LRCH3: variants seen among roughly 807,000 people sequenced by gnomAD.
LRCH3 encodes DISP complex protein LRCH3.
Under a neutral mutation model 104.5 loss-of-function variants are expected in LRCH3, and 68 were observed. The observed-to-expected ratio is 0.65, with a 90% CI of 0.54 to 0.80. LRCH3 has a LOEUF of 0.80. Among genes scored for constraint, LRCH3 ranks in the 30% least tolerant of loss-of-function variants. LRCH3 has a pLI of 0.00. For missense variants in LRCH3, 951 were observed against 953.9 expected (o/e 1.00, Z 0.04); for synonymous variants, 344 against 361.3 (o/e 0.95, Z 0.54).
chr3:197,865,492 A>G (rs749597492), intron 16 of LRCH3, 21 bp downstream of exon 16: 6 of 1,417,360 alleles, frequency 4.2e-6, no homozygotes, highest in Non-Finnish European at 5.7e-6. Context: ...CAAAGGTGCA[A>G]TTAACCACAT....
intron 10 of LRCH3, among the ~76,000 whole-genome samples, chr3:197,843,211 AT>A (rs1210806611): frequency 9.9e-5 from 15 of 152,212 alleles, no homozygotes; most frequent in Non-Finnish European, 2.1e-4. Flanking sequence ...GCAATATAGA[AT>A]TAACATTTAG....
In LRCH3 at chr3:197,854,482, G is replaced by C; in HGVS notation, c.1644+37G>C. On this transcript the variant is annotated intron_variant, in intron 14 of 20. Transcript: ENST00000425562. The surrounding 1 kb of genome is among the most constrained non-coding windows in gnomAD (Gnocchi z 4.5). ...GCACAAAACGGAGTTTCGCATTTCT[G>C]TGTTTAGAGATTGTACTTTTTATTC... 1 of 1,585,018 alleles carries C rather than the reference G, an allele frequency of 6.3e-7. No homozygotes were observed. The highest frequency in any genetic ancestry group is 8.7e-7 in the Non-Finnish European group (1 of 1,153,466).
chr3:197,805,420 T>C (rs1318827109), intron 1 of LRCH3, among the ~76,000 whole-genome samples: 1 of 152,230 alleles, frequency 6.6e-6, no homozygotes, highest in Non-Finnish European at 1.5e-5. Context: ...TGGATTTGGG[T>C]GTAGGCTTGC....
chr3:197,814,531 C>CTA (rs1173610092), intron 1 of LRCH3, among the ~76,000 whole-genome samples: 3 of 152,196 alleles, frequency 2.0e-5, no homozygotes, highest in Admixed American at 6.5e-5. Context: ...GAATTTCAGT[C>CTA]TACTGCAGTC....
At chr3:197,827,647 G>C (rs1735381526) in intron 5 of LRCH3, among the ~76,000 whole-genome samples, 1 of 152,000 alleles carries the variant, frequency 6.6e-6, no homozygotes, top group Non-Finnish European at 1.5e-5. Context: ...CTCTAAATTG[G>C]TATTTCTTTT....
At chr3:197,829,008 G>A (rs980830092) in intron 5 of LRCH3, among the ~76,000 whole-genome samples, 23 of 152,026 alleles carry the variant, frequency 1.5e-4, no homozygotes, top group African/African-American at 5.6e-4. Flanking sequence ...TGTGCCCGGC[G>A]GCATATGCTA....
intron 14 of LRCH3, among the ~76,000 whole-genome samples, chr3:197,857,899 T>TA (rs1740469444): frequency 6.6e-6 from 1 of 152,246 alleles, no homozygotes; most frequent in African/African-American, 2.4e-5. Flanking sequence ...TCATTAAAAA[T>TA]ACAGTTGTAT....
At chr3:197,835,634 GGTGT>G (rs372783553) in intron 8 of LRCH3, 36 bp from the exon 9 acceptor site, 40 of 1,323,682 alleles carry the variant, frequency 3.0e-5, no homozygotes, top group Admixed American at 1.2e-4. Context: ...GTTTTTTTCT[GGTGT>G]GTGTGTGTGT....
chr3:197,875,641 G>A (rs1030616779), intron 19 of LRCH3, 57 bp from the exon 20 acceptor site: 1 of 1,349,672 alleles, frequency 7.4e-7, no homozygotes, highest in African/African-American at 1.4e-5. Context: ...GTGGCAGTGA[G>A]ACCCTGTCCC....
Position 197,849,005 on chromosome 3 carries a change from T to C in LRCH3, c.1530+984T>C, listed in dbSNP as rs1483104189. Among the ~76,000 whole-genome samples the C allele has an allele frequency of 2.0e-5, 3 of 152,322 alleles. No individual in the cohort carries two copies. The East Asian group carries it at 5.8e-4, about 29-fold the overall frequency. On this transcript the variant is annotated intron_variant, in intron 12 of 20. Coordinates refer to ENST00000425562, the MANE Select transcript of LRCH3 (RefSeq NM_001365715.1). The stretch of plus-strand genomic sequence containing the variant: ...CTGGCCGGGTGTGGTGGCTCACGCC[T>C]GTAGTCCCGGCACTTTGAGAGGCCA...
intron 1 of LRCH3, among the ~76,000 whole-genome samples, chr3:197,814,383 T>C (rs1733575567): frequency 6.6e-6 from 1 of 152,222 alleles, no homozygotes; most frequent in Non-Finnish European, 1.5e-5. Flanking sequence ...GTGGGGGAAT[T>C]CTGGGGAATA....
chr3:197,848,222 C>T, intron 12 of LRCH3: 1 of 547,974 alleles, frequency 1.8e-6, no homozygotes, highest in Non-Finnish European at 3.3e-6. Flanking sequence ...AACGGTAAAT[C>T]TGTCATTGGA....
chr3:197,810,779 C>T lies in LRCH3; in HGVS notation c.263-4129C>T, dbSNP rs1044654679. Among the ~76,000 whole-genome samples, 7 of 151,498 alleles carry T rather than the reference C, an allele frequency of 4.6e-5. No individual in the cohort carries two copies. Among genetic ancestry groups the T allele is most frequent in the East Asian group, 3.9e-4 (2 of 5,176 alleles). On this transcript the variant is annotated intron_variant, in intron 1 of 20. Transcript: ENST00000425562. The surrounding 1 kb of genome is among the most constrained non-coding windows in gnomAD (Gnocchi z 4.0). The stretch of plus-strand genomic sequence containing the variant: ...TACATTTGTTTCATCTTCCCAGAAG[C>T]GGAAGTCACTAAAATGGCATTTAAA...
chr3:197,840,944 C>T (rs1157717147), intron 10 of LRCH3, among the ~76,000 whole-genome samples: 2 of 152,208 alleles, frequency 1.3e-5, no homozygotes, highest in African/African-American at 2.4e-5. Context: ...GCCCCTCTCA[C>T]GTCCTGCATC....
At chr3:197,871,523 C>G (rs368257174) in intron 19 of LRCH3, 61 bp downstream of exon 19, 2 of 1,594,260 alleles carry the variant, frequency 1.3e-6, no homozygotes, top group African/African-American at 2.7e-5. Context: ...GCACAGTGGA[C>G]AGACATTTCT....
rs765650358 is a variant in LRCH3 at position 197,887,797 on chromosome 3, CT to C, written c.*4132del. 6.2e-5 allele frequency: 9 copies of C among 144,076 alleles called. No individual in the cohort carries two copies. The highest frequency in any genetic ancestry group is 1.4e-4 in the Admixed American group (2 of 14,366). The allele number at this position is 144,076 out of a possible 1,614,324, so 8.9% of individuals were successfully genotyped here. On this transcript the variant is annotated 3_prime_UTR_variant, in exon 21 of 21. Coordinates refer to ENST00000425562, the MANE Select transcript of LRCH3 (RefSeq NM_001365715.1). ...CAGTGTCTGGGGCTGAGAGCCCCCC[CT>C]AGCAGAGCCCTTCCCATCACTGACA... is the stretch of plus-strand genomic sequence containing the variant.
Position 197,854,348 on chromosome 3 carries a change from G to T in LRCH3, c.1591-44G>T. ...TTCGTGAAATACGTCACACGTGTGC[G>T]TAGTTTGTTTCTGACATGGCTTCAT... On this transcript the variant is annotated intron_variant, in intron 13 of 20. Coordinates refer to ENST00000425562, the MANE Select transcript of LRCH3 (RefSeq NM_001365715.1). This position sits in a 1 kb window ranked among gnomAD's most constrained non-coding sequence, Gnocchi z 4.5. The T allele has an allele frequency of 6.5e-7, 1 of 1,536,528 alleles. No individual in the cohort carries two copies. Among genetic ancestry groups the T allele is most frequent in the Non-Finnish European group, 9.0e-7 (1 of 1,109,160 alleles).
Position 197,866,178 on chromosome 3 carries a change from G to A in LRCH3, c.1832G>A (p.Ser611Asn). 1 of 1,614,102 alleles carries A rather than the reference G, an allele frequency of 6.2e-7. No homozygotes were observed. Among genetic ancestry groups the A allele is most frequent in the Non-Finnish European group, 8.5e-7 (1 of 1,179,988 alleles). The stretch of plus-strand genomic sequence containing the variant: ...AGAAATCAGCCTCAGCGCCCTGAAA[G>A]CTTCCTTTTCCGAGCAGGTGTCAGG... ...IQRNQPQRPESFLFRAGVRAE... is the reference protein window; with the variant it reads ...IQRNQPQRPENFLFRAGVRAE... The change falls in exon 17 of 21, where the codon AGC becomes AAC. Residue 611 changes from serine to asparagine, a missense_variant. Transcript: ENST00000425562.
At position 197,826,942 on chromosome 3, in the gene LRCH3, T is replaced by G; in HGVS notation, c.705T>G (p.Val235=). 6.2e-7 allele frequency: 1 copy of G among 1,614,090 alleles called. No individual in the cohort carries two copies. Among genetic ancestry groups the G allele is most frequent in the Non-Finnish European group, 8.5e-7 (1 of 1,180,010 alleles). The change falls in exon 5 of 21, where the codon GTT becomes GTG. Residue 235 remains valine (V), a synonymous_variant. Coordinates refer to ENST00000425562, the MANE Select transcript of LRCH3 (RefSeq NM_001365715.1). Reference sequence around the variant, plus strand: ...GCAATAAAATTACCACAATCCCTGTTTGTTATCGGAACCTCAGGCACCTAC... The same window carrying G: ...GCAATAAAATTACCACAATCCCTGTGTGTTATCGGAACCTCAGGCACCTAC... ...FSCNKITTIP[V]CYRNLRHLQT... is the part of the protein sequence containing the mutation.
Sources: allele counts gnomAD v4.1 joint callset (sites outside exome capture counted in the v4.1 genomes callset), GRCh38; gene constraint gnomAD v4.1.1; non-coding constraint Gnocchi (gnomAD v3.1); transcripts MANE v1.5; gene names NCBI Gene and HGNC (gene_info 2026-07-23, HGNC 2026-07-21).